Variants in TRAPPC8 observed in about 807,000 individuals in gnomAD.
The protein encoded by TRAPPC8 is general sporulation gene 1 homolog.
TRAPPC8 carries 54 observed loss-of-function variants against 174.3 expected under a neutral mutation model. The ratio of observed to expected loss-of-function variants is 0.31; its 90% CI spans 0.25 to 0.39. The LOEUF (loss-of-function observed/expected upper bound fraction) is 0.39. Among genes scored for constraint, TRAPPC8 ranks in the 10% least tolerant of loss-of-function variants. The pLI is 1.00. For missense variants in TRAPPC8, 1,531 were observed against 1,699.1 expected (o/e 0.90, Z 1.74); for synonymous variants, 630 against 579.9 (o/e 1.09, Z -1.24).
At chr18:31,881,193 C>G (rs1463499036) in intron 12 of TRAPPC8, among the ~76,000 whole-genome samples, 1 of 151,834 alleles carries the variant, frequency 6.6e-6, no homozygotes, top group African/African-American at 2.4e-5. Flanking sequence ...CAACAAAGTC[C>G]TAAGCAAAAA....
chr18:31,876,489 CAAAAAAAAAA>C lies in TRAPPC8; in HGVS notation c.1729-1795_1729-1786del, dbSNP rs71175801. Among the ~76,000 whole-genome samples, 16 of 48,718 alleles carry C rather than the reference CAAAAAAAAAA, an allele frequency of 3.3e-4. No homozygotes were observed. In the South Asian group the frequency reaches 6.1e-3, roughly 19 times the overall value. The allele number at this position is 48,718 out of a possible 152,430, so 32.0% of individuals were successfully genotyped here. ...TGGGCTACACTGCGAGACTCCATCTCAAAAAAAAAAAAAAAAAAAAAAAGATCACTTACTA... is the reference window on the plus strand; with the variant it reads ...TGGGCTACACTGCGAGACTCCATCTCAAAAAAAAAAAAAGATCACTTACTA... On this transcript the variant is annotated intron_variant, in intron 12 of 28. Coordinates refer to ENST00000283351, the MANE Select transcript of TRAPPC8 (RefSeq NM_014939.5).
chr18:31,930,111 T>C (rs185674504), intron 2 of TRAPPC8, among the ~76,000 whole-genome samples: 28 of 151,926 alleles, frequency 1.8e-4, no homozygotes, highest in Admixed American at 1.6e-3. Context: ...TCTGCGTATG[T>C]TTAGGAAAAA....
intron 1 of TRAPPC8, among the ~76,000 whole-genome samples, chr18:31,936,533 C>A (rs986107414): frequency 5.9e-5 from 9 of 152,232 alleles, no homozygotes; most frequent in African/African-American, 2.2e-4. Flanking sequence ...GAGTTTGGTA[C>A]TTCCACACCT....
intron 12 of TRAPPC8, among the ~76,000 whole-genome samples, chr18:31,877,704 A>C (rs1451535282): frequency 1.3e-5 from 2 of 150,862 alleles, no homozygotes; most frequent in Admixed American, 6.6e-5. Context: ...CGGGTGGATC[A>C]CCTGAGGTTG....
At chr18:31,935,346 A>C in intron 1 of TRAPPC8, among the ~76,000 whole-genome samples, 1 of 43,648 alleles carries the variant, frequency 2.3e-5, no homozygotes, top group Non-Finnish European at 4.5e-5. Flanking sequence ...CACCTCAAAA[A>C]CAAACAAACA....
intron 1 of TRAPPC8, among the ~76,000 whole-genome samples, chr18:31,940,215 GCCTGTA>G (rs1291687562): frequency 6.6e-6 from 1 of 152,108 alleles, no homozygotes; most frequent in African/African-American, 2.4e-5. Context: ...GGTGGCTCAC[GCCTGTA>G]ATCCCAGCAC....
chr18:31,912,704 G>A lies in TRAPPC8; in HGVS notation c.771+665C>T, dbSNP rs185191936. Among the ~76,000 whole-genome samples the A allele has an allele frequency of 3.3e-5, 5 of 152,100 alleles. No homozygotes were observed. In the South Asian group the frequency reaches 6.2e-4, roughly 19 times the overall value. On this transcript the variant is annotated intron_variant, in intron 5 of 28. Transcript: ENST00000283351. ...AAGAAAAATGTAGGGAGCAACCCCA[G>A]AGCATGTAGATAATAAAGAATTGAC...
At chr18:31,839,591 TA>T in intron 26 of TRAPPC8, 134 bp from the exon 27 acceptor site, 2 of 722,032 alleles carry the variant, frequency 2.8e-6, no homozygotes, top group Non-Finnish European at 4.1e-6. Flanking sequence ...TTTCTGCTGT[TA>T]AGCTAATAGC....
intron 2 of TRAPPC8, among the ~76,000 whole-genome samples, chr18:31,919,409 T>C (rs921836642): frequency 6.6e-6 from 1 of 151,734 alleles, no homozygotes; most frequent in African/African-American, 2.4e-5. Context: ...GGCGCCCTTG[T>C]GCAATCCCAG....
Position 31,829,715 on chromosome 18 carries a change from G to A in TRAPPC8, c.*1040C>T, listed in dbSNP as rs1379186044. ...TGTCAATGGCACAAGGACCCCATCTGCTCCAGACTTGACTGACCCTGGCTC... is the reference window on the plus strand; with the variant it reads ...TGTCAATGGCACAAGGACCCCATCTACTCCAGACTTGACTGACCCTGGCTC... On this transcript the variant is annotated 3_prime_UTR_variant, in exon 29 of 29. Transcript: ENST00000283351. 1 of 152,296 alleles carries A rather than the reference G, an allele frequency of 6.6e-6. No individual in the cohort carries two copies. Among genetic ancestry groups the A allele is most frequent in the Non-Finnish European group, 1.5e-5 (1 of 68,134 alleles). 9.4% of individuals were successfully genotyped at this position (152,296 alleles called of 1,614,324 possible). A position where few individuals can be genotyped will look rare whatever the true frequency, so the allele number is the denominator to read the frequency against.
chr18:31,872,215 T>A (rs2034902963), intron 14 of TRAPPC8, among the ~76,000 whole-genome samples: 2 of 152,172 alleles, frequency 1.3e-5, no homozygotes, highest in Admixed American at 1.3e-4. Context: ...ACTTTCTGTT[T>A]CTGAGTTATT....
intron 2 of TRAPPC8, among the ~76,000 whole-genome samples, chr18:31,918,186 C>G (rs2145552132): frequency 6.6e-6 from 1 of 152,070 alleles, no homozygotes; most frequent in Admixed American, 6.6e-5. Context: ...AAGCCATTCA[C>G]AAGAATATAT....
intron 4 of TRAPPC8, among the ~76,000 whole-genome samples, chr18:31,914,496 C>G (rs940565444): frequency 4.6e-5 from 7 of 152,188 alleles, no homozygotes; most frequent in Non-Finnish European, 1.0e-4. Context: ...GAAACTAATT[C>G]TAATAGTCAT....
At chr18:31,884,640 A>G (rs1327765806) in intron 12 of TRAPPC8, among the ~76,000 whole-genome samples, 1 of 152,152 alleles carries the variant, frequency 6.6e-6, no homozygotes, top group Admixed American at 6.5e-5. Context: ...GTTTCAAAAT[A>G]TACTAGTTTC....
At chr18:31,872,205 ACTTT>A (rs2034902049) in intron 14 of TRAPPC8, among the ~76,000 whole-genome samples, 1 of 152,100 alleles carries the variant, frequency 6.6e-6, no homozygotes, top group Non-Finnish European at 1.5e-5. Flanking sequence ...GTAGTATTTG[ACTTT>A]CTGTTTCTGA....
chr18:31,905,408 T>C (rs1253095717), intron 9 of TRAPPC8, among the ~76,000 whole-genome samples: 1 of 152,164 alleles, frequency 6.6e-6, no homozygotes, highest in Non-Finnish European at 1.5e-5. Flanking sequence ...GGACTGTGTC[T>C]CCAGAGAAGT....
chr18:31,839,944 T>C (rs764344555), intron 26 of TRAPPC8, among the ~76,000 whole-genome samples: 103 of 152,236 alleles, frequency 6.8e-4, no homozygotes, highest in Non-Finnish European at 1.3e-3. Context: ...TTGTATAGTA[T>C]AATCTATACT....
chr18:31,876,803 G>C (rs6506944), intron 12 of TRAPPC8, among the ~76,000 whole-genome samples: 99,755 of 151,908 alleles, frequency 0.66, 33,482 homozygotes, highest in South Asian at 0.77. Flanking sequence ...CCCTCATGAT[G>C]CAGGACAACA....
intron 12 of TRAPPC8, among the ~76,000 whole-genome samples, chr18:31,875,038 T>A (rs1172986472): frequency 6.6e-6 from 1 of 152,172 alleles, no homozygotes; most frequent in Non-Finnish European, 1.5e-5. Context: ...AAGAGCTTAC[T>A]TCTCAACTTG....
Sources: allele counts gnomAD v4.1 joint callset (sites outside exome capture counted in the v4.1 genomes callset), GRCh38; gene constraint gnomAD v4.1.1; transcripts MANE v1.5; gene names NCBI Gene and HGNC (gene_info 2026-07-23, HGNC 2026-07-21).